FAM13B: variants seen among roughly 807,000 people sequenced by gnomAD.
The protein encoded by FAM13B is protein FAM13B.
In FAM13B, 60 loss-of-function variants were observed where a neutral mutation model predicts 117.3. The observed-to-expected ratio is 0.51, with a 90% CI of 0.42 to 0.63. The LOEUF (loss-of-function observed/expected upper bound fraction) is 0.63, where lower values mean the gene tolerates loss of function less well. Ranked by LOEUF, FAM13B falls within the 30% of genes least tolerant of loss-of-function variation. FAM13B has a pLI of 0.00. For missense variants in FAM13B, 972 were observed against 1,091.9 expected (o/e 0.89, Z 1.55); for synonymous variants, 332 against 356.1 (o/e 0.93, Z 0.76).
chr5:137,978,618 CCTCT>C (rs1423937815), intron 10 of FAM13B, among the ~76,000 whole-genome samples: 2 of 152,150 alleles, frequency 1.3e-5, no homozygotes, highest in African/African-American at 4.8e-5. Flanking sequence ...CCTCCTTTTA[CCTCT>C]CTATTTTGAC....
At chr5:138,020,583 G>T (rs185148227) in intron 2 of FAM13B, among the ~76,000 whole-genome samples, 1 of 151,976 alleles carries the variant, frequency 6.6e-6, no homozygotes, top group Non-Finnish European at 1.5e-5. Context: ...ATTACTTTAC[G>T]TAGGAAAAGA....
At chr5:138,019,222 A>T in intron 2 of FAM13B, 76 bp from the exon 3 acceptor site, 1 of 1,282,244 alleles carries the variant, frequency 7.8e-7, no homozygotes, top group African/African-American at 1.5e-5. Flanking sequence ...TTAAAGAAAA[A>T]TGCTTTACAC....
intron 1 of FAM13B, among the ~76,000 whole-genome samples, chr5:138,046,368 G>A (rs1791641368): frequency 1.3e-5 from 2 of 152,222 alleles, no homozygotes; most frequent in South Asian, 2.1e-4. Flanking sequence ...TAAAAGTCAG[G>A]ATGGTGGTTT....
chr5:138,051,540 T>G (rs748605744), intron 1 of FAM13B, among the ~76,000 whole-genome samples: 2 of 152,176 alleles, frequency 1.3e-5, no homozygotes, highest in Non-Finnish European at 2.9e-5. Flanking sequence ...ACAAGTGCGG[T>G]TGAGTGTTAT....
intron 1 of FAM13B, among the ~76,000 whole-genome samples, chr5:138,040,752 C>T (rs370312298): frequency 6.6e-6 from 1 of 151,862 alleles, no homozygotes; most frequent in African/African-American, 2.4e-5. Flanking sequence ...GAAAGGGGAT[C>T]TTAAAATTAG....
intron 1 of FAM13B, among the ~76,000 whole-genome samples, chr5:138,027,918 G>A (rs1788874442): frequency 6.6e-6 from 1 of 152,168 alleles, no homozygotes; most frequent in African/African-American, 2.4e-5. Flanking sequence ...TGTAAGACAT[G>A]CCTGCGTCCC....
At chr5:137,951,386 G>A (rs962760791) in intron 17 of FAM13B, among the ~76,000 whole-genome samples, 4 of 152,010 alleles carry the variant, frequency 2.6e-5, no homozygotes, top group Non-Finnish European at 4.4e-5. Flanking sequence ...GGCTGGGCAC[G>A]GTGGCTCATA....
chr5:137,989,531 A>C (rs548754049), intron 7 of FAM13B, among the ~76,000 whole-genome samples: 5 of 152,192 alleles, frequency 3.3e-5, no homozygotes, highest in Non-Finnish European at 7.3e-5. Context: ...ATTCACACTT[A>C]AAGATTTTTC....
chr5:137,986,136 A>G (rs934515554), intron 9 of FAM13B, among the ~76,000 whole-genome samples: 2 of 149,606 alleles, frequency 1.3e-5, no homozygotes, highest in African/African-American at 2.5e-5. Context: ...TCCCAGTTGT[A>G]TGCATTCTAA....
chr5:138,011,990 A>C, intron 4 of FAM13B, 45 bp from the exon 5 acceptor site: 1 of 1,408,736 alleles, frequency 7.1e-7, no homozygotes. Context: ...AGGAAAAAGC[A>C]AAGCTCTGAT....
At chr5:138,036,918 A>G (rs1247027056), upstream of FAM13B, 3 of 322,930 alleles carry the variant, frequency 9.3e-6, no homozygotes, top group East Asian at 2.6e-4. Flanking sequence ...GATTGTCACC[A>G]CTGGAGAGGT....
At chr5:137,975,978 T>G in intron 10 of FAM13B, among the ~76,000 whole-genome samples, 1 of 87,738 alleles carries the variant, frequency 1.1e-5, no homozygotes. Context: ...GCTCAACTCT[T>G]CCTTTTTTTT....
chr5:137,953,831 C>T (rs1765685816), intron 15 of FAM13B, among the ~76,000 whole-genome samples: 1 of 152,186 alleles, frequency 6.6e-6, no homozygotes, highest in East Asian at 1.9e-4. Flanking sequence ...GCACCATTTG[C>T]TGCTTCCTTT....
intron 1 of FAM13B, among the ~76,000 whole-genome samples, chr5:138,024,828 GAGAGAGAA>G (rs1232366779): frequency 2.0e-5 from 3 of 149,246 alleles, no homozygotes; most frequent in African/African-American, 2.5e-5. Flanking sequence ...GAGAGAGAGA[GAGAGAGAA>G]AGAGAGAGAG....
chr5:137,992,453 G>A (rs748438023), intron 7 of FAM13B, among the ~76,000 whole-genome samples: 24 of 151,760 alleles, frequency 1.6e-4, no homozygotes, highest in African/African-American at 5.3e-4. Flanking sequence ...AATTAGCCGC[G>A]CATGGTGACG....
At chr5:137,977,082 G>T (rs988944053) in intron 10 of FAM13B, among the ~76,000 whole-genome samples, 1 of 152,178 alleles carries the variant, frequency 6.6e-6, no homozygotes, top group Non-Finnish European at 1.5e-5. Flanking sequence ...GCACCCCTGA[G>T]GGTAGGTCTC....
intron 10 of FAM13B, among the ~76,000 whole-genome samples, chr5:137,966,484 T>TAGAGAGAGAG (rs1203408763): frequency 8.2e-3 from 414 of 50,404 alleles, no homozygotes; most frequent in Middle Eastern, 0.014. Flanking sequence ...TATATATATA[T>TAGAGAGAGAG]ATATAGAGAG....
intron 1 of FAM13B, among the ~76,000 whole-genome samples, chr5:138,040,677 T>C (rs572306034): frequency 2.6e-5 from 4 of 152,332 alleles, no homozygotes; most frequent in African/African-American, 9.6e-5. Context: ...TCCTAAATTC[T>C]GGAAGACCAA....
rs1767567593 is a variant in FAM13B, at chr5:137,959,604, G to C, written c.1441+12C>G. ...ACATTATCAGGAAAATAATGCGTGT[G>C]GGTAAAATTACCTTCCCATTTATCA... On this transcript the variant is annotated intron_variant, in intron 13 of 23. Transcript: ENST00000689681. 2 of 1,613,214 alleles carry C rather than the reference G, an allele frequency of 1.2e-6. No individual in the cohort carries two copies. Among genetic ancestry groups the C allele is most frequent in the African/African-American group, 2.7e-5 (2 of 74,880 alleles).
Sources: gnomAD v4.1 joint callset for allele counts (sites outside exome capture counted in the v4.1 genomes callset) on GRCh38, gnomAD v4.1.1 for gene constraint, MANE v1.5 for transcripts, NCBI Gene and HGNC (gene_info 2026-07-23, HGNC 2026-07-21) for gene names.